Variants in CYBRD1 observed in about 807,000 individuals in gnomAD.
CYBRD1 encodes plasma membrane ascorbate-dependent reductase CYBRD1.
Under a neutral mutation model 21.9 loss-of-function variants are expected in CYBRD1, and 14 were observed. The ratio of observed to expected loss-of-function variants is 0.64; its 90% CI spans 0.42 to 1.00. CYBRD1 has a LOEUF of 1.00. CYBRD1 is among the 50% of genes least tolerant of loss of function. The pLI, the probability that CYBRD1 is intolerant of heterozygous loss-of-function variation, is 0.00. For missense variants in CYBRD1, 328 were observed against 352.5 expected, an observed-to-expected ratio of 0.93 and a Z score of 0.56; for synonymous variants, 146 against 136.5, an observed-to-expected ratio of 1.07 and a Z score of -0.48.
At position 171,556,236 on chromosome 2, in the gene CYBRD1, T is replaced by C. The variant is rs899879217; in HGVS notation, c.*1409T>C. On this transcript the variant is annotated 3_prime_UTR_variant, in exon 4 of 4. Coordinates refer to ENST00000321348, the MANE Select transcript of CYBRD1 (RefSeq NM_024843.4). ...TGCTGAACAACTTTCAGTTTGGAGC[T>C]AAAAGAGACCTGTCTCATGGTCTGC... 5 of 152,216 alleles carry C rather than the reference T, an allele frequency of 3.3e-5. No individual in the cohort carries two copies. The highest frequency in any genetic ancestry group is 1.2e-4 in the African/African-American group (5 of 41,464). 9.4% of individuals were successfully genotyped at this position (152,216 alleles called of 1,614,324 possible). A position where few individuals can be genotyped will look rare whatever the true frequency, so the allele number is the denominator to read the frequency against.
In CYBRD1 at chr2:171,554,506, A is replaced by C; in HGVS notation, c.558-18A>C. 6.2e-7 allele frequency: 1 copy of C among 1,612,846 alleles called. No individual in the cohort carries two copies. The highest frequency in any genetic ancestry group is 1.1e-5 in the South Asian group (1 of 91,042). On this transcript the variant is annotated intron_variant, in intron 3 of 3. Coordinates refer to ENST00000321348, the MANE Select transcript of CYBRD1 (RefSeq NM_024843.4). ...TGTATCATCCTGTTTGTAATTGGAT[A>C]CATCTCTTATTTCATAGGAGAGATC...
intron 2 of CYBRD1, 133 bp from the exon 3 acceptor site, chr2:171,553,213 A>C (rs751203760): frequency 5.6e-5 from 58 of 1,044,650 alleles, no homozygotes; most frequent in Non-Finnish European, 8.1e-5. Context: ...AACTGGAGCG[A>C]GGAAACTTCA....
intron 1 of CYBRD1, among the ~76,000 whole-genome samples, chr2:171,526,634 T>C (rs1697390534): frequency 6.6e-6 from 1 of 152,198 alleles, no homozygotes; most frequent in Non-Finnish European, 1.5e-5. Flanking sequence ...GAAAGAAATG[T>C]TTCCCATGAA....
intron 1 of CYBRD1, among the ~76,000 whole-genome samples, chr2:171,536,381 T>A (rs1393972971): frequency 6.6e-6 from 1 of 151,490 alleles, no homozygotes; most frequent in Non-Finnish European, 1.5e-5. Context: ...CTCTGCTCGC[T>A]GCAACCTCCG....
chr2:171,551,620 T>G (rs1683376836), intron 2 of CYBRD1, among the ~76,000 whole-genome samples: 1 of 152,202 alleles, frequency 6.6e-6, no homozygotes, highest in South Asian at 2.1e-4. Flanking sequence ...ATAGATGAAT[T>G]TGAGAACCGA....
chr2:171,555,080 C>T lies in CYBRD1; in HGVS notation c.*253C>T. On this transcript the variant is annotated 3_prime_UTR_variant, in exon 4 of 4. Coordinates refer to ENST00000321348, the MANE Select transcript of CYBRD1 (RefSeq NM_024843.4). ...ACCTTTATCTTGTTGAGGACCACAA[C>T]ATTAGCACGGTGCCTTGTGCAGAAT... 1.9e-6 allele frequency: 1 copy of T among 514,244 alleles called. No homozygotes were observed. Among genetic ancestry groups the T allele is most frequent in the Admixed American group, 3.2e-5 (1 of 30,974 alleles). 31.9% of individuals were successfully genotyped at this position (514,244 alleles called of 1,614,324 possible). A position where few individuals can be genotyped will look rare whatever the true frequency, so the allele number is the denominator to read the frequency against.
At chr2:171,538,998 A>G (rs913285173) in intron 1 of CYBRD1, among the ~76,000 whole-genome samples, 4 of 151,654 alleles carry the variant, frequency 2.6e-5, no homozygotes, top group Non-Finnish European at 5.9e-5. Flanking sequence ...GGGCTTCATT[A>G]TGTTGGCCAG....
chr2:171,539,461 G>T lies in CYBRD1; in HGVS notation c.194-2124G>T, dbSNP rs181233213. ...ATCGCAACACTACATTCCAGCCTGG[G>T]TGACAGAGAAAGAAAAGAAAAGAAA... On this transcript the variant is annotated intron_variant, in intron 1 of 3. Coordinates refer to ENST00000321348, the MANE Select transcript of CYBRD1 (RefSeq NM_024843.4). Among the ~76,000 whole-genome samples, 182 of 152,254 alleles carry T rather than the reference G, an allele frequency of 1.2e-3. 1 individual carries two copies. The highest frequency in any genetic ancestry group is 2.0e-3 in the Non-Finnish European group (135 of 68,024).
chr2:171,539,494 G>C (rs1283806904), intron 1 of CYBRD1, among the ~76,000 whole-genome samples: 1 of 152,012 alleles, frequency 6.6e-6, no homozygotes, highest in African/African-American at 2.4e-5. Flanking sequence ...AAATATACGT[G>C]ATACCCTGCT....
intron 1 of CYBRD1, among the ~76,000 whole-genome samples, chr2:171,536,239 A>G (rs1377770432): frequency 6.6e-6 from 1 of 150,588 alleles, no homozygotes; most frequent in Non-Finnish European, 1.5e-5. Context: ...CTCGGGTTCA[A>G]GCGATTCTCT....
intron 2 of CYBRD1, among the ~76,000 whole-genome samples, chr2:171,543,542 C>T (rs1296125176): frequency 1.3e-5 from 2 of 152,148 alleles, no homozygotes; most frequent in African/African-American, 2.4e-5. Flanking sequence ...GGTTACCATT[C>T]TCCCGGTGTT....
chr2:171,541,193 T>C (rs1697625804), intron 1 of CYBRD1: 1 of 249,472 alleles, frequency 4.0e-6, no homozygotes, highest in Non-Finnish European at 7.9e-6. Flanking sequence ...AAGAAGACAT[T>C]GGATTATGCA....
chr2:171,538,276 TAC>T (rs1216483330), intron 1 of CYBRD1, among the ~76,000 whole-genome samples: 2 of 151,730 alleles, frequency 1.3e-5, no homozygotes, highest in African/African-American at 4.8e-5. Context: ...AAAAGAAAAA[TAC>T]AGAGATTTAA....
intron 1 of CYBRD1, among the ~76,000 whole-genome samples, chr2:171,524,155 T>A (rs1343002830): frequency 2.0e-5 from 3 of 152,216 alleles, no homozygotes; most frequent in African/African-American, 7.2e-5. Flanking sequence ...TTACTAACCC[T>A]CAGCATTCAA....
At chr2:171,533,384 A>G (rs1017500136) in intron 1 of CYBRD1, among the ~76,000 whole-genome samples, 1 of 152,196 alleles carries the variant, frequency 6.6e-6, no homozygotes, top group African/African-American at 2.4e-5. Context: ...CAAAAACAAA[A>G]ACATACTTAC....
At chr2:171,543,201 G>T (rs768076053) in intron 2 of CYBRD1, among the ~76,000 whole-genome samples, 4 of 152,134 alleles carry the variant, frequency 2.6e-5, no homozygotes, top group Non-Finnish European at 5.9e-5. Context: ...TCTGCTCTGG[G>T]TCTAACAAGG....
intron 1 of CYBRD1, among the ~76,000 whole-genome samples, chr2:171,537,111 G>A: frequency 6.6e-6 from 1 of 152,158 alleles, no homozygotes; most frequent in East Asian, 1.9e-4. Flanking sequence ...GAAGCACTTA[G>A]ATGGTACCTA....
chr2:171,547,302 C>T (rs1697731121), intron 2 of CYBRD1, among the ~76,000 whole-genome samples: 1 of 152,026 alleles, frequency 6.6e-6, no homozygotes, highest in African/African-American at 2.4e-5. Flanking sequence ...AGCCAGACTG[C>T]AATGGATTGA....
intron 1 of CYBRD1, chr2:171,523,001 G>T: frequency 1.9e-6 from 1 of 519,556 alleles, no homozygotes; most frequent in Non-Finnish European, 3.4e-6. Flanking sequence ...TGCTGGGGGC[G>T]GCGGAGCGGG....
Sources: gnomAD v4.1 joint callset for allele counts (sites outside exome capture counted in the v4.1 genomes callset) on GRCh38, gnomAD v4.1.1 for gene constraint, MANE v1.5 for transcripts, NCBI Gene and HGNC (gene_info 2026-07-23, HGNC 2026-07-21) for gene names.